GRIK1: variants seen among roughly 807,000 people sequenced by gnomAD.
GRIK1 encodes glutamate ionotropic receptor kainate type subunit 1.
Under a neutral mutation model 105.7 loss-of-function variants are expected in GRIK1, and 69 were observed. The observed-to-expected ratio is 0.65, with a 90% CI of 0.54 to 0.80. The LOEUF (loss-of-function observed/expected upper bound fraction) is 0.80. GRIK1 is among the 30% of genes least tolerant of loss of function. The pLI, the probability that GRIK1 is intolerant of heterozygous loss-of-function variation, is 0.00. For missense variants in GRIK1, 1,109 were observed against 1,167.3 expected, an observed-to-expected ratio of 0.95 and a Z score of 0.73; for synonymous variants, 438 against 431.3, an observed-to-expected ratio of 1.02 and a Z score of -0.19.
chr21:29,699,892 G>A (rs2063780342), intron 1 of GRIK1, among the ~76,000 whole-genome samples: 1 of 152,000 alleles, frequency 6.6e-6, no homozygotes, highest in African/African-American at 2.4e-5. Flanking sequence ...CAGGTAATCT[G>A]CCCACCTTGG....
chr21:29,932,480 A>G (rs767285124), intron 1 of GRIK1, among the ~76,000 whole-genome samples: 1 of 152,154 alleles, frequency 6.6e-6, no homozygotes, highest in Non-Finnish European at 1.5e-5. Context: ...TCAGTAGTTC[A>G]TAACTGAGAT....
At chr21:29,774,911 A>T (rs1447608729) in intron 1 of GRIK1, among the ~76,000 whole-genome samples, 2 of 152,168 alleles carry the variant, frequency 1.3e-5, no homozygotes, top group Non-Finnish European at 2.9e-5. Flanking sequence ...AATTTTTGAA[A>T]CAAGGGGATC....
intron 1 of GRIK1, among the ~76,000 whole-genome samples, chr21:29,717,383 C>T (rs2064204351): frequency 6.6e-6 from 1 of 152,296 alleles, no homozygotes; most frequent in South Asian, 2.1e-4. Context: ...AAGGCACAGG[C>T]ATTCAACACC....
chr21:29,832,325 T>A (rs1029580678), intron 1 of GRIK1, among the ~76,000 whole-genome samples: 2 of 152,188 alleles, frequency 1.3e-5, no homozygotes, highest in Non-Finnish European at 2.9e-5. Flanking sequence ...CCTCTTCTCA[T>A]AGCTCCACTA....
chr21:29,567,328 A>T (rs937873372), intron 14 of GRIK1, among the ~76,000 whole-genome samples: 2 of 152,098 alleles, frequency 1.3e-5, no homozygotes, highest in Non-Finnish European at 2.9e-5. Flanking sequence ...TTTCTTTTTT[A>T]TTGAGATAAC....
chr21:29,701,440 G>A (rs926241384), intron 1 of GRIK1, among the ~76,000 whole-genome samples: 1 of 152,182 alleles, frequency 6.6e-6, no homozygotes, highest in Non-Finnish European at 1.5e-5. Context: ...TGCTATTTTT[G>A]AGGAAGAGTG....
chr21:29,645,036 C>T (rs2062589930), intron 6 of GRIK1, among the ~76,000 whole-genome samples: 1 of 152,186 alleles, frequency 6.6e-6, no homozygotes, highest in South Asian at 2.1e-4. Context: ...TGCTTCTACA[C>T]CAAGTTATTG....
intron 9 of GRIK1, among the ~76,000 whole-genome samples, chr21:29,592,903 T>G (rs895278424): frequency 6.6e-6 from 1 of 152,224 alleles, no homozygotes; most frequent in African/African-American, 2.4e-5. Flanking sequence ...CGCTCTGAGA[T>G]GGACAGGGTG....
In GRIK1 at chr21:29,642,877, A is replaced by G. The variant is rs150537827; in HGVS notation, c.1047T>C (p.His349=). Reference sequence around the variant, plus strand: ...GTCCGAGGCGCCATGGCTTATGTCTATGGCACTGCAGGGAGCTGACGGTCA... The same window carrying G: ...GTCCGAGGCGCCATGGCTTATGTCTGTGGCACTGCAGGGAGCTGACGGTCA... ...SQLTVSSLQC[H]RHKPWRLGPR... The change falls in exon 7 of 18, where the codon CAT becomes CAC. Residue 349 remains histidine (H), a synonymous_variant. Coordinates refer to ENST00000327783, the MANE Select transcript of GRIK1 (RefSeq NM_001330994.2). 195 of 1,614,072 alleles carry G rather than the reference A, an allele frequency of 1.2e-4. No individual in the cohort carries two copies. The African/African-American group carries it at 2.3e-3, about 19-fold the overall frequency.
chr21:29,821,880 T>G (rs1280278026), intron 1 of GRIK1, among the ~76,000 whole-genome samples: 1 of 152,044 alleles, frequency 6.6e-6, no homozygotes, highest in Non-Finnish European at 1.5e-5. Flanking sequence ...AACTTTTTAT[T>G]AATTGTTAAA....
intron 7 of GRIK1, among the ~76,000 whole-genome samples, chr21:29,609,826 T>A (rs2061695278): frequency 6.6e-6 from 1 of 152,178 alleles, no homozygotes; most frequent in Admixed American, 6.5e-5. Flanking sequence ...GTCACCATAA[T>A]TGAATGAGCC....
chr21:29,674,060 G>C (rs952906679), intron 3 of GRIK1, among the ~76,000 whole-genome samples: 10 of 146,986 alleles, frequency 6.8e-5, no homozygotes, highest in African/African-American at 2.6e-4. Flanking sequence ...CGGAAAAATT[G>C]AGTTTTTTTT....
At chr21:29,588,195 C>T (rs1462501044) in intron 11 of GRIK1, among the ~76,000 whole-genome samples, 1 of 151,630 alleles carries the variant, frequency 6.6e-6, no homozygotes, top group African/African-American at 2.4e-5. Context: ...AGGATGGTCT[C>T]GATCTCCTGA....
At chr21:29,914,835 T>C (rs2070938818) in intron 1 of GRIK1, among the ~76,000 whole-genome samples, 1 of 152,036 alleles carries the variant, frequency 6.6e-6, no homozygotes, top group Admixed American at 6.6e-5. Context: ...AAATAAGCCC[T>C]TGTGGCTGTA....
intron 1 of GRIK1, among the ~76,000 whole-genome samples, chr21:29,918,586 G>A (rs1257937339): frequency 1.3e-5 from 2 of 151,860 alleles, no homozygotes; most frequent in South Asian, 4.2e-4. Flanking sequence ...ATCTATTTCT[G>A]GCATATTTCA....
intron 4 of GRIK1, among the ~76,000 whole-genome samples, chr21:29,669,242 T>A (rs1028919081): frequency 2.0e-5 from 3 of 152,222 alleles, no homozygotes; most frequent in Non-Finnish European, 2.9e-5. Context: ...TAGATAAATG[T>A]TAAATATCTT....
chr21:29,605,718 G>C (rs554609771), intron 7 of GRIK1, among the ~76,000 whole-genome samples: 1 of 152,028 alleles, frequency 6.6e-6, no homozygotes, highest in Non-Finnish European at 1.5e-5. Context: ...CGGCAACCTC[G>C]CCAGCATCTG....
intron 1 of GRIK1, among the ~76,000 whole-genome samples, chr21:29,777,465 G>C (rs2065974859): frequency 6.6e-6 from 1 of 152,194 alleles, no homozygotes; most frequent in Non-Finnish European, 1.5e-5. Context: ...GGACTAGAAG[G>C]ATGTGTGGAC....
At chr21:29,678,935 T>C (rs2063323533) in intron 3 of GRIK1, among the ~76,000 whole-genome samples, 2 of 152,216 alleles carry the variant, frequency 1.3e-5, no homozygotes, top group African/African-American at 4.8e-5. Context: ...TTCTTAGTTC[T>C]AGAAGAGTAT....
Sources: allele counts gnomAD v4.1 joint callset (sites outside exome capture counted in the v4.1 genomes callset), GRCh38; gene constraint gnomAD v4.1.1; transcripts MANE v1.5; gene names NCBI Gene and HGNC (gene_info 2026-07-23, HGNC 2026-07-21).